The following CHRNB1 variants were observed in gnomAD, a reference collection of about 807,000 sequenced individuals.
CHRNB1 encodes cholinergic receptor nicotinic beta 1 subunit, also known as acetylcholine receptor subunit beta.
CHRNB1 carries 47 observed loss-of-function variants against 53.8 expected under a neutral mutation model. The ratio of observed to expected loss-of-function variants is 0.87; its 90% CI spans 0.69 to 1.11. CHRNB1 has a LOEUF of 1.11. CHRNB1 is among the 50% of genes most tolerant of loss of function. The pLI, the probability that CHRNB1 is intolerant of heterozygous loss-of-function variation, is 0.00. For missense variants in CHRNB1, 605 were observed against 654.9 expected (o/e 0.92, Z 0.83); for synonymous variants, 259 against 263.5 (o/e 0.98, Z 0.16).
chr17:7,452,591 G>C (rs1320069412), intron 7 of CHRNB1, among the ~76,000 whole-genome samples: 1 of 152,228 alleles, frequency 6.6e-6, no homozygotes, highest in Admixed American at 6.5e-5. Flanking sequence ...ATACTCACGA[G>C]TGTGCCATGT....
chr17:7,447,676 A>C, intron 6 of CHRNB1, 26 bp downstream of exon 6: 1 of 1,613,754 alleles, frequency 6.2e-7, no homozygotes, highest in Non-Finnish European at 8.5e-7. Flanking sequence ...TCCTACATCC[A>C]TGGGCTCTAT....
rs11869257 is a variant in CHRNB1 at position 7,454,092 on chromosome 17, A to G, written c.821-205A>G. On this transcript the variant is annotated intron_variant, in intron 7 of 10. Coordinates refer to ENST00000306071, the MANE Select transcript of CHRNB1 (RefSeq NM_000747.3). The stretch of plus-strand genomic sequence containing the variant: ...GTTTTTGTAGAAAAGAGGTCTCCCT[A>G]TGTTGCTCAGGCTGGTCTGAAACTC... 0.016 allele frequency among the ~76,000 whole-genome samples: 2,462 copies of G among 151,294 alleles called. 71 individuals carry two copies. The highest frequency in any genetic ancestry group is 0.057 in the African/African-American group (2,330 of 41,232).
chr17:7,456,470 G>C (rs987602522), intron 10 of CHRNB1, 113 bp from the exon 11 acceptor site: 3 of 1,392,128 alleles, frequency 2.2e-6, no homozygotes, highest in African/African-American at 1.4e-5. Flanking sequence ...GCTGCCGGCT[G>C]TTGCCTCAAA....
chr17:7,446,911 G>T lies in CHRNB1; in HGVS notation c.322G>T (p.Val108Leu). The T allele has an allele frequency of 6.2e-7, 1 of 1,613,904 alleles. No homozygotes were observed. Among genetic ancestry groups the T allele is most frequent in the Non-Finnish European group, 8.5e-7 (1 of 1,179,976 alleles). ...IDSLRITAESVWLPDVVLLNN... is the reference protein window; with the variant it reads ...IDSLRITAESLWLPDVVLLNN... ...TTCGCTCCGCATCACGGCGGAATCC[G>T]TGTGGCTCCCTGACGTGGTGCTACT... The change falls in exon 4 of 11, where the codon GTG becomes TTG. Residue 108 changes from valine to leucine, a missense_variant. By Grantham distance (32) the Val-to-Leu change is conservative (BLOSUM62 1). Transcript: ENST00000306071.
Position 7,446,090 on chromosome 17 carries a change from A to C in CHRNB1, c.220A>C (p.Ser74Arg), listed in dbSNP as rs780686500. 1 of 1,614,058 alleles carries C rather than the reference A, an allele frequency of 6.2e-7. No individual in the cohort carries two copies. Among genetic ancestry groups the C allele is most frequent in the Non-Finnish European group, 8.5e-7 (1 of 1,179,954 alleles). The change falls in exon 3 of 11, where the codon AGC becomes CGC. Residue 74 changes from serine to arginine, a missense_variant. Coordinates refer to ENST00000306071, the MANE Select transcript of CHRNB1 (RefSeq NM_000747.3). ...CTAGAACGAGAAGGATGAAGAGATG[A>C]GCACAAAGGTGTACTTAGACCTGGT... Reference protein sequence around the residue: ...ISLNEKDEEMSTKVYLDLEWT... With the variant: ...ISLNEKDEEMRTKVYLDLEWT...
intron 3 of CHRNB1, 101 bp from the exon 4 acceptor site, chr17:7,446,732 C>T (rs1398274027): frequency 5.6e-6 from 5 of 898,622 alleles, no homozygotes; most frequent in South Asian, 4.2e-5. Context: ...TATGCCTGTC[C>T]TGCTCCCCTT....
chr17:7,455,200 G>A, intron 8 of CHRNB1, 84 bp from the exon 9 acceptor site: 2 of 1,469,894 alleles, frequency 1.4e-6, no homozygotes, highest in South Asian at 2.3e-5. Flanking sequence ...GCGGGAATGG[G>A]CATGTGGAGT....
intron 7 of CHRNB1, among the ~76,000 whole-genome samples, chr17:7,451,526 C>A (rs1363241952): frequency 6.6e-6 from 1 of 152,052 alleles, no homozygotes; most frequent in Non-Finnish European, 1.5e-5. Flanking sequence ...AATGATCCAC[C>A]CGCCTTGGCC....
chr17:7,447,543 T>C lies in CHRNB1; in HGVS notation c.503T>C (p.Val168Ala). Residue 168 changes from valine to alanine, a missense_variant, in exon 6 of 11, where the codon GTG becomes GCG. By Grantham distance (64) the Val-to-Ala change is moderately conservative. Coordinates refer to ENST00000306071, the MANE Select transcript of CHRNB1 (RefSeq NM_000747.3). ...FPFDWQNCTM[V>A]FSSYSYDSSE... is the part of the protein sequence containing the mutation. The stretch of plus-strand genomic sequence containing the variant: ...TTCGACTGGCAGAATTGCACTATGG[T>C]GTTCAGCTCCTACAGCTACGACAGC... The C allele has an allele frequency of 6.2e-7, 1 of 1,614,130 alleles. No individual in the cohort carries two copies. The highest frequency in any genetic ancestry group is 8.5e-7 in the Non-Finnish European group (1 of 1,180,030).
At chr17:7,452,245 A>G (rs947924902) in intron 7 of CHRNB1, among the ~76,000 whole-genome samples, 1 of 151,758 alleles carries the variant, frequency 6.6e-6, no homozygotes, top group Non-Finnish European at 1.5e-5. Flanking sequence ...TTAAGTAGAG[A>G]TGGGGTTTCG....
Position 7,455,283 on chromosome 17 carries a change from G to T in CHRNB1, c.1045-1G>T. ...ACCAATACGCCTCTTCTACTCTGCA[G>T]ATCTTCATTCACAAACTTCCGCTGT... is the stretch of plus-strand genomic sequence containing the variant. On this transcript the variant is annotated splice_acceptor_variant, in intron 8 of 10. Transcript: ENST00000306071. LOFTEE classifies it high-confidence loss of function. The T allele has an allele frequency of 1.2e-6, 2 of 1,614,032 alleles. No homozygotes were observed. Among genetic ancestry groups the T allele is most frequent in the Non-Finnish European group, 1.7e-6 (2 of 1,179,954 alleles).
chr17:7,454,313 C>T lies in CHRNB1; in HGVS notation c.837C>T (p.Leu279=). The change falls in exon 8 of 11, where the codon CTC becomes CTT. Residue 279 remains leucine (L), a synonymous_variant. Transcript: ENST00000306071. The part of the protein sequence containing the change: ...LPPDAGEKMG[L]SIFALLTLTV... Reference sequence around the variant, plus strand: ...CCCTCCAAGGAGAGAAGATGGGGCTCTCAATCTTTGCCCTGCTGACCCTTA... The same window carrying T: ...CCCTCCAAGGAGAGAAGATGGGGCTTTCAATCTTTGCCCTGCTGACCCTTA... 6.2e-7 allele frequency: 1 copy of T among 1,614,138 alleles called. No individual in the cohort carries two copies. Among genetic ancestry groups the T allele is most frequent in the African/African-American group, 1.3e-5 (1 of 75,044 alleles).
At chr17:7,455,738 G>A (rs1383422900) in intron 9 of CHRNB1, 56 bp from the exon 10 acceptor site, 1 of 1,612,732 alleles carries the variant, frequency 6.2e-7, no homozygotes, top group East Asian at 2.2e-5. Context: ...GCGGGGCCTG[G>A]GTCGCCGGCA....
In CHRNB1 at chr17:7,447,638, G is replaced by C. The variant is rs149981394; in HGVS notation, c.598G>C (p.Gly200Arg). Residue 200 changes from glycine (G) to arginine (R), a missense_variant, in exon 6 of 11, where the codon GGG (glycine) becomes CGG (arginine). Gly to Arg is a moderately radical substitution (Grantham distance 125). Coordinates refer to ENST00000306071, the MANE Select transcript of CHRNB1 (RefSeq NM_000747.3). Reference protein sequence around the residue: ...QGHQEIHIHEGTFIENGQWEI... With the variant: ...QGHQEIHIHERTFIENGQWEI... ...GCATCAGGAAATCCACATTCATGAA[G>C]GGACTTTCATTGGTGAGTAGGCATG... The C allele has an allele frequency of 1.2e-6, 2 of 1,614,194 alleles. No individual in the cohort carries two copies. The highest frequency in any genetic ancestry group is 1.7e-5 in the Admixed American group (1 of 60,018).
Position 7,445,642 on chromosome 17 carries a change from G to A in CHRNB1, c.198+233G>A, listed in dbSNP as rs903761397. 7.0e-7 allele frequency: 1 copy of A among 1,418,982 alleles called. No homozygotes were observed. Among genetic ancestry groups the A allele is most frequent in the Non-Finnish European group, 9.2e-7 (1 of 1,084,732 alleles). 87.9% of individuals were successfully genotyped at this position (1,418,982 alleles called of 1,614,324 possible). On this transcript the variant is annotated intron_variant, in intron 2 of 10. Transcript: ENST00000306071. The surrounding 1 kb of genome is among the most constrained non-coding windows in gnomAD (Gnocchi z 5.7). ...AGGGTGAAGGACGGACCTGTGATCGGACCTTAAAGTGGGGCTGGGGACGAG... is the reference window on the plus strand; with the variant it reads ...AGGGTGAAGGACGGACCTGTGATCGAACCTTAAAGTGGGGCTGGGGACGAG...
Position 7,445,127 on chromosome 17 carries a change from T to C in CHRNB1, c.-1T>C, listed in dbSNP as rs202177246. 474 of 1,608,214 alleles carry C rather than the reference T, an allele frequency of 2.9e-4. 2 individuals are homozygous for C. Among genetic ancestry groups the C allele is most frequent in the East Asian group, 4.5e-5 (2 of 44,802 alleles). Reference sequence around the variant, plus strand: ...GAAGTCACTGAGCGAGCCGCCAGGCTATGACCCCAGGGGCTCTGCTGATGC... The same window carrying C: ...GAAGTCACTGAGCGAGCCGCCAGGCCATGACCCCAGGGGCTCTGCTGATGC... On this transcript the variant is annotated 5_prime_UTR_variant, in exon 1 of 11. Transcript: ENST00000306071. The surrounding 1 kb of genome is among the most constrained non-coding windows in gnomAD (Gnocchi z 5.7).
rs1222134398 is a variant in CHRNB1, at chr17:7,455,393, G to C, written c.1154G>C (p.Arg385Pro). The C allele has an allele frequency of 6.2e-7, 1 of 1,613,992 alleles. No individual in the cohort carries two copies. The highest frequency in any genetic ancestry group is 1.1e-5 in the South Asian group (1 of 91,078). The change falls in exon 9 of 11, where the codon CGG (arginine) becomes CCG (proline). Residue 385 changes from arginine (R) to proline (P), a missense_variant. By Grantham distance (103) the Arg-to-Pro change is moderately radical. Coordinates refer to ENST00000306071, the MANE Select transcript of CHRNB1 (RefSeq NM_000747.3). ...HCSSPGSGWG[R>P]GTDEYFIRKP... Reference sequence around the variant, plus strand: ...TCTTCTCCAGGAAGTGGCTGGGGTCGGGGAACAGATGAATATTTCATCCGG... The same window carrying C: ...TCTTCTCCAGGAAGTGGCTGGGGTCCGGGAACAGATGAATATTTCATCCGG...
At chr17:7,455,745 G>C in intron 9 of CHRNB1, 49 bp from the exon 10 acceptor site, 2 of 1,613,544 alleles carry the variant, frequency 1.2e-6, no homozygotes, top group Non-Finnish European at 1.7e-6. Context: ...CTGGGTCGCC[G>C]GCACTGGCTG....
At position 7,445,818 on chromosome 17, in the gene CHRNB1, G is replaced by T; in HGVS notation, c.199-251G>T. Reference sequence around the variant, plus strand: ...TGAGCTGAAGGCAGGGCCGGGGACAGAGCTAGGCGGAGGGCTAGGCAGGGG... The same window carrying T: ...TGAGCTGAAGGCAGGGCCGGGGACATAGCTAGGCGGAGGGCTAGGCAGGGG... On this transcript the variant is annotated intron_variant, in intron 2 of 10. Transcript: ENST00000306071. The surrounding 1 kb of genome is among the most constrained non-coding windows in gnomAD (Gnocchi z 5.7). 1 of 621,406 alleles carries T rather than the reference G, an allele frequency of 1.6e-6. No homozygotes were observed. The highest frequency in any genetic ancestry group is 2.8e-6 in the Non-Finnish European group (1 of 354,376). The allele number at this position is 621,406 out of a possible 1,614,324, so 38.5% of individuals were successfully genotyped here.
Sources: allele counts gnomAD v4.1 joint callset (sites outside exome capture counted in the v4.1 genomes callset), GRCh38; gene constraint gnomAD v4.1.1; non-coding constraint Gnocchi (gnomAD v3.1); transcripts MANE v1.5; gene names NCBI Gene and HGNC (gene_info 2026-07-23, HGNC 2026-07-21).